The following ADAMTS6 variants were observed in gnomAD, a reference collection of about 807,000 sequenced individuals.
The protein encoded by ADAMTS6 is A disintegrin and metalloproteinase with thrombospondin motifs 6.
Under a neutral mutation model 144.3 loss-of-function variants are expected in ADAMTS6, and 23 were observed. The ratio of observed to expected loss-of-function variants is 0.16; its 90% CI spans 0.11 to 0.23. The LOEUF (loss-of-function observed/expected upper bound fraction) is 0.23. Among genes scored for constraint, ADAMTS6 ranks in the 10% least tolerant of loss-of-function variants. The pLI, the probability that ADAMTS6 is intolerant of heterozygous loss-of-function variation, is 1.00. For synonymous variants in ADAMTS6, 444 were observed against 457.5 expected, an observed-to-expected ratio of 0.97 and a Z score of 0.38; for missense variants, 999 against 1,379.6, an observed-to-expected ratio of 0.72 and a Z score of 4.37.
intron 7 of ADAMTS6, among the ~76,000 whole-genome samples, chr5:65,394,351 C>T (rs537827101): frequency 6.6e-6 from 1 of 152,324 alleles, no homozygotes; most frequent in Non-Finnish European, 1.5e-5. Context: ...TGCTGTTTCA[C>T]CTCCAGTAAC....
intron 20 of ADAMTS6, among the ~76,000 whole-genome samples, chr5:65,204,818 CT>C (rs1259659328): frequency 6.6e-6 from 1 of 151,998 alleles, no homozygotes; most frequent in Non-Finnish European, 1.5e-5. Flanking sequence ...GTAAAAGGAC[CT>C]TCATGATTTC....
At chr5:65,373,765 A>G (rs1272720889) in intron 7 of ADAMTS6, among the ~76,000 whole-genome samples, 2 of 152,242 alleles carry the variant, frequency 1.3e-5, no homozygotes, top group African/African-American at 2.4e-5. Flanking sequence ...TTATGAGGCC[A>G]GCATCATCCT....
intron 4 of ADAMTS6, among the ~76,000 whole-genome samples, chr5:65,455,533 C>T (rs1206823626): frequency 6.6e-6 from 1 of 151,626 alleles, no homozygotes; most frequent in Non-Finnish European, 1.5e-5. Flanking sequence ...CAGGGCGAAA[C>T]TCCATCTCAA....
intron 7 of ADAMTS6, among the ~76,000 whole-genome samples, chr5:65,435,392 T>G (rs942357740): frequency 2.6e-5 from 4 of 152,114 alleles, no homozygotes; most frequent in Non-Finnish European, 5.9e-5. Flanking sequence ...AAAGCAAATA[T>G]GATAAAAATG....
At chr5:65,453,565 T>A (rs1472764982) in intron 4 of ADAMTS6, among the ~76,000 whole-genome samples, 4 of 152,248 alleles carry the variant, frequency 2.6e-5, no homozygotes, top group African/African-American at 9.6e-5. Flanking sequence ...AAGATCACGA[T>A]TCCAGCATAA....
At chr5:65,171,159 G>A (rs531142057) in intron 23 of ADAMTS6, among the ~76,000 whole-genome samples, 11 of 151,970 alleles carry the variant, frequency 7.2e-5, no homozygotes, top group South Asian at 6.3e-4. Context: ...ACAGGCACCC[G>A]CCACCACATC....
chr5:65,274,446 T>C (rs1217985983), intron 11 of ADAMTS6, among the ~76,000 whole-genome samples: 1 of 152,070 alleles, frequency 6.6e-6, no homozygotes, highest in African/African-American at 2.4e-5. Context: ...TAACATCACA[T>C]TTAATCCTTT....
At chr5:65,414,047 G>GCCCTCCC (rs1160531913) in intron 7 of ADAMTS6, among the ~76,000 whole-genome samples, 3 of 152,082 alleles carry the variant, frequency 2.0e-5, no homozygotes, top group Non-Finnish European at 4.4e-5. Flanking sequence ...AAACCCTCAT[G>GCCCTCCC]TACAAAGTGC....
intron 7 of ADAMTS6, among the ~76,000 whole-genome samples, chr5:65,361,346 T>G (rs890598017): frequency 2.6e-5 from 4 of 152,182 alleles, no homozygotes; most frequent in Admixed American, 2.6e-4. Flanking sequence ...GACACTCAAA[T>G]AGCCACCACT....
intron 24 of ADAMTS6, 109 bp downstream of exon 24, chr5:65,170,508 C>G (rs1469486784): frequency 1.6e-6 from 2 of 1,252,592 alleles, no homozygotes; most frequent in Non-Finnish European, 2.2e-6. Flanking sequence ...TTCACAAATG[C>G]TCTACTCAAA....
intron 7 of ADAMTS6, among the ~76,000 whole-genome samples, chr5:65,449,668 T>A (rs984306497): frequency 1.3e-5 from 2 of 152,010 alleles, no homozygotes; most frequent in Non-Finnish European, 2.9e-5. Context: ...AAAATTTATG[T>A]TTAAATCTCA....
chr5:65,359,982 T>C (rs13355291), intron 7 of ADAMTS6, among the ~76,000 whole-genome samples: 3,446 of 152,276 alleles, frequency 0.023, 116 homozygotes, highest in African/African-American at 0.079. Flanking sequence ...TAAGAGAGTA[T>C]ATTTTCAGTG....
At chr5:65,177,865 G>GGCT (rs112579098) in intron 22 of ADAMTS6, among the ~76,000 whole-genome samples, 288 of 152,250 alleles carry the variant, frequency 1.9e-3, no homozygotes, top group African/African-American at 6.5e-3. Flanking sequence ...ACCAGGCGTG[G>GGCT]GCTGCATGGT....
At position 65,158,659 on chromosome 5, in the gene ADAMTS6, C is replaced by G. The variant is rs368531798; in HGVS notation, c.3245-6714G>C. Among the ~76,000 whole-genome samples the G allele has an allele frequency of 3.9e-5, 6 of 152,152 alleles. No individual in the cohort carries two copies. The East Asian group carries it at 9.7e-4, about 25-fold the overall frequency. On this transcript the variant is annotated intron_variant, in intron 24 of 24. Coordinates refer to ENST00000381055, the MANE Select transcript of ADAMTS6 (RefSeq NM_197941.4). ...AGTAGTATTGCAAATGTACTGATAC[C>G]CAGGGTGGCTTTAATTCACTTTTAG...
At chr5:65,347,622 C>T (rs1748461018) in intron 7 of ADAMTS6, among the ~76,000 whole-genome samples, 1 of 151,858 alleles carries the variant, frequency 6.6e-6, no homozygotes, top group South Asian at 2.1e-4. Flanking sequence ...ACTTCAAAAG[C>T]ACAGATTAAA....
At chr5:65,215,976 G>A (rs1247920345) in intron 18 of ADAMTS6, among the ~76,000 whole-genome samples, 1 of 152,010 alleles carries the variant, frequency 6.6e-6, no homozygotes, top group Non-Finnish European at 1.5e-5. Context: ...ATTAGTAAAG[G>A]AAAGAACAAG....
At chr5:65,375,455 T>C (rs1353632343) in intron 7 of ADAMTS6, among the ~76,000 whole-genome samples, 2 of 151,756 alleles carry the variant, frequency 1.3e-5, no homozygotes, top group African/African-American at 2.4e-5. Flanking sequence ...GCGAAGGACA[T>C]GAACAGACAC....
intron 24 of ADAMTS6, among the ~76,000 whole-genome samples, chr5:65,168,023 G>C (rs1420086573): frequency 1.3e-5 from 2 of 148,628 alleles, no homozygotes; most frequent in Non-Finnish European, 3.0e-5. Flanking sequence ...AGTGTTGGAA[G>C]TTCTGGCCAG....
rs543498897 is a variant in ADAMTS6, at chr5:65,204,038, T to G, written c.2576-6887A>C. ...AACACAAATGATGAAAGAGGACTGA[T>G]GAAATGATGAAACAGTACTAGGAGA... On this transcript the variant is annotated intron_variant, in intron 20 of 24. Transcript: ENST00000381055. Among the ~76,000 whole-genome samples the G allele has an allele frequency of 1.7e-4, 26 of 152,256 alleles. No individual in the cohort carries two copies. In the East Asian group the frequency reaches 4.1e-3, roughly 24 times the overall value.
Sources: gnomAD v4.1 joint callset for allele counts (sites outside exome capture counted in the v4.1 genomes callset) on GRCh38, gnomAD v4.1.1 for gene constraint, MANE v1.5 for transcripts, NCBI Gene and HGNC (gene_info 2026-07-23, HGNC 2026-07-21) for gene names.